The following FSTL5 variants were observed in gnomAD, a reference collection of about 807,000 sequenced individuals.
The protein encoded by FSTL5 is follistatin-related protein 5.
A neutral mutation model predicts 89.1 loss-of-function variants in FSTL5; 62 were observed. The ratio of observed to expected loss-of-function variants is 0.70; its 90% confidence interval spans 0.57 to 0.86. The LOEUF (loss-of-function observed/expected upper bound fraction) is 0.86, where lower values mean the gene tolerates loss of function less well. Among genes scored for constraint, FSTL5 ranks in the 40% least tolerant of loss-of-function variants. FSTL5 has a pLI of 0.00. For synonymous variants in FSTL5, 383 were observed against 346.2 expected, an observed-to-expected ratio of 1.11 and a Z score of -1.18; for missense variants, 1,057 against 1,001.6, an observed-to-expected ratio of 1.06 and a Z score of -0.75.
intron 11 of FSTL5, among the ~76,000 whole-genome samples, chr4:161,504,220 C>T (rs1320957005): frequency 6.6e-6 from 1 of 151,862 alleles, no homozygotes; most frequent in Admixed American, 6.6e-5. Flanking sequence ...ATTTCTATTT[C>T]CATTTCTAAT....
At chr4:161,394,298 CAG>C (rs1181389155) in intron 15 of FSTL5, among the ~76,000 whole-genome samples, 1 of 152,068 alleles carries the variant, frequency 6.6e-6, no homozygotes, top group Non-Finnish European at 1.5e-5. Flanking sequence ...TGTTTTGAGA[CAG>C]AGTCTCACTC....
chr4:162,143,449 A>G (rs1732827886), intron 1 of FSTL5, among the ~76,000 whole-genome samples: 1 of 152,170 alleles, frequency 6.6e-6, no homozygotes, highest in Non-Finnish European at 1.5e-5. Flanking sequence ...TTGCAAGACC[A>G]AAAGCAATCC....
intron 7 of FSTL5, among the ~76,000 whole-genome samples, chr4:161,633,322 T>C (rs529242112): frequency 1.4e-5 from 2 of 147,474 alleles, no homozygotes; most frequent in African/African-American, 4.9e-5. Flanking sequence ...ATTATTATTA[T>C]TATTATACTT....
At chr4:161,613,530 C>G (rs978549614) in intron 7 of FSTL5, among the ~76,000 whole-genome samples, 1 of 151,538 alleles carries the variant, frequency 6.6e-6, no homozygotes, top group African/African-American at 2.4e-5. Context: ...TAGAGAAAGG[C>G]AGGAAGAGGG....
chr4:162,094,723 T>A (rs1409359325), intron 2 of FSTL5, among the ~76,000 whole-genome samples: 1 of 152,174 alleles, frequency 6.6e-6, no homozygotes, highest in African/African-American at 2.4e-5. Context: ...AGATGGTATT[T>A]CAACAGTATA....
intron 3 of FSTL5, among the ~76,000 whole-genome samples, chr4:161,983,399 CAAGTT>C (rs1387309149): frequency 2.6e-5 from 4 of 152,064 alleles, no homozygotes; most frequent in Admixed American, 1.3e-4. Flanking sequence ...GTAAACCAGT[CAAGTT>C]ATGTAGTTAG....
rs772008065 is a variant in FSTL5, at chr4:161,481,116, T to C, written c.1512A>G (p.Ala504=). The change falls in exon 13 of 16, where the codon GCA becomes GCG. Residue 504 remains alanine (A), a synonymous_variant. Transcript: ENST00000306100. ...ACTTGTCTTTGACATTAACAGCTGA[T>C]GCCCACACACACCTCTGAACTTCAT... The part of the protein sequence containing the change: ...EGDEVQRCVW[A]SAVNVKDKFI... The C allele has an allele frequency of 2.5e-5, 41 of 1,611,354 alleles. 1 individual carries two copies. In the South Asian group the frequency reaches 4.1e-4, roughly 16 times the overall value.
At chr4:162,073,147 A>G (rs1236386255) in intron 2 of FSTL5, among the ~76,000 whole-genome samples, 4 of 151,792 alleles carry the variant, frequency 2.6e-5, no homozygotes, top group African/African-American at 7.3e-5. Context: ...ATATATCTAC[A>G]TATGTATATA....
chr4:161,864,282 C>T (rs1732008794), intron 4 of FSTL5, among the ~76,000 whole-genome samples: 1 of 152,106 alleles, frequency 6.6e-6, no homozygotes, highest in South Asian at 2.1e-4. Flanking sequence ...TATTCACTGG[C>T]TTTGGGGTCA....
At chr4:161,544,999 T>G (rs986771429) in intron 8 of FSTL5, among the ~76,000 whole-genome samples, 3 of 152,018 alleles carry the variant, frequency 2.0e-5, no homozygotes, top group African/African-American at 7.2e-5. Context: ...ACATTAGGCA[T>G]AATTATAGAA....
At chr4:162,032,318 C>A (rs1160568896) in intron 3 of FSTL5, among the ~76,000 whole-genome samples, 2 of 152,086 alleles carry the variant, frequency 1.3e-5, no homozygotes, top group Admixed American at 1.3e-4. Context: ...CATTCAAATG[C>A]ACATCATACA....
intron 7 of FSTL5, among the ~76,000 whole-genome samples, chr4:161,621,693 T>C (rs1285788796): frequency 2.6e-5 from 4 of 151,990 alleles, no homozygotes; most frequent in Non-Finnish European, 4.4e-5. Flanking sequence ...ATTACCAATA[T>C]CAGGCCAGGC....
rs571597757 is a variant in FSTL5 at position 162,013,269 on chromosome 4, A to G, written c.160+20356T>C. 3.3e-4 allele frequency among the ~76,000 whole-genome samples: 50 copies of G among 152,232 alleles called. 1 individual carries two copies. In the South Asian group the frequency reaches 3.9e-3, roughly 12 times the overall value. Reference sequence around the variant, plus strand: ...TCAAGATCACTTCAATATTCAGTCCATTCACCCAGGTCTTTGGGAATGACA... The same window carrying G: ...TCAAGATCACTTCAATATTCAGTCCGTTCACCCAGGTCTTTGGGAATGACA... On this transcript the variant is annotated intron_variant, in intron 3 of 15. Coordinates refer to ENST00000306100, the MANE Select transcript of FSTL5 (RefSeq NM_020116.5).
At chr4:161,742,076 A>G (rs950081624) in intron 6 of FSTL5, among the ~76,000 whole-genome samples, 2 of 152,118 alleles carry the variant, frequency 1.3e-5, no homozygotes, top group African/African-American at 2.4e-5. Context: ...ATTTTTGGAT[A>G]ATACTTTGGT....
At chr4:161,504,006 A>G (rs943889381) in intron 11 of FSTL5, among the ~76,000 whole-genome samples, 3 of 151,898 alleles carry the variant, frequency 2.0e-5, no homozygotes, top group East Asian at 3.9e-4. Flanking sequence ...GTTACGTGGG[A>G]TATCACAATT....
chr4:161,964,761 A>G (rs1043360596), intron 3 of FSTL5, among the ~76,000 whole-genome samples: 1 of 152,066 alleles, frequency 6.6e-6, no homozygotes, highest in African/African-American at 2.4e-5. Context: ...GCATGATAGT[A>G]GCAGAAATTT....
chr4:161,796,164 G>A (rs576272736), intron 4 of FSTL5, among the ~76,000 whole-genome samples: 53 of 151,978 alleles, frequency 3.5e-4, no homozygotes, highest in Non-Finnish European at 6.6e-4. Flanking sequence ...TTAATTATAA[G>A]TAGAATATGC....
chr4:161,748,393 T>C (rs967981624), intron 6 of FSTL5, among the ~76,000 whole-genome samples: 1 of 152,142 alleles, frequency 6.6e-6, no homozygotes, highest in African/African-American at 2.4e-5. Context: ...AAAGTTTTTT[T>C]AGCATTTTTC....
chr4:161,851,306 T>A (rs1480124478), intron 4 of FSTL5, among the ~76,000 whole-genome samples: 1 of 152,202 alleles, frequency 6.6e-6, no homozygotes, highest in African/African-American at 2.4e-5. Flanking sequence ...AGAAGATTTT[T>A]ACAACATATA....
Sources: gnomAD v4.1 joint callset for allele counts (sites outside exome capture counted in the v4.1 genomes callset) on GRCh38, gnomAD v4.1.1 for gene constraint, MANE v1.5 for transcripts, NCBI Gene and HGNC (gene_info 2026-07-23, HGNC 2026-07-21) for gene names.